SLC25A12: variants seen among roughly 807,000 people sequenced by gnomAD.
SLC25A12 encodes the protein electrogenic aspartate/glutamate antiporter SLC25A12, mitochondrial.
Under a neutral mutation model 83.3 loss-of-function variants are expected in SLC25A12, and 32 were observed. The observed-to-expected ratio is 0.38, with a 90% CI of 0.29 to 0.52. The LOEUF is 0.52. SLC25A12 is among the 20% of genes least tolerant of loss of function. The probability of loss-of-function intolerance (pLI) is 0.84; values close to 1 mark genes in which losing one functional copy is unlikely to be tolerated. For synonymous variants in SLC25A12, 267 were observed against 291.1 expected (o/e 0.92, Z 0.84); for missense variants, 611 against 835.6 (o/e 0.73, Z 3.31).
intron 13 of SLC25A12, among the ~76,000 whole-genome samples, chr2:171,795,710 C>T (rs1683582050): frequency 6.6e-6 from 1 of 152,178 alleles, no homozygotes; most frequent in Non-Finnish European, 1.5e-5. Flanking sequence ...TAAGGTCTTT[C>T]ATGTTTGTAA....
chr2:171,853,809 T>C (rs1206238499), intron 4 of SLC25A12, among the ~76,000 whole-genome samples: 2 of 152,248 alleles, frequency 1.3e-5, no homozygotes, highest in Admixed American at 6.5e-5. Flanking sequence ...ATGTGTCTTA[T>C]TGTTAAGTTG....
In SLC25A12 at chr2:171,834,828, G is replaced by C. The variant is rs2105886696; in HGVS notation, c.650C>G (p.Ser217Cys). ...TAACGAGTTAAATGCATTGAAGTAG[G>C]AGAAGCTAACCTGGTGTGAGATACT... ...GGSISHQVSF[S>C]YFNAFNSLLN... Residue 217 changes from serine to cysteine, a missense_variant, in exon 7 of 18, where the codon TCC (serine) becomes TGC (cysteine). Around this residue, in one of 3 missense-constraint regions of SLC25A12, gnomAD observed 540 missense variants for 777.5 expected, o/e 0.69. Coordinates refer to ENST00000422440, the MANE Select transcript of SLC25A12 (RefSeq NM_003705.5). 4 of 1,613,902 alleles carry C rather than the reference G, an allele frequency of 2.5e-6. No homozygotes were observed. Among genetic ancestry groups the C allele is most frequent in the Non-Finnish European group, 3.4e-6 (4 of 1,179,916 alleles).
intron 2 of SLC25A12, among the ~76,000 whole-genome samples, chr2:171,869,823 G>A (rs1028743691): frequency 2.0e-5 from 3 of 151,390 alleles, no homozygotes; most frequent in Non-Finnish European, 3.0e-5. Context: ...AAATTAAAGC[G>A]AACATCTACA....
At chr2:171,842,917 G>C (rs1049146501) in intron 5 of SLC25A12, among the ~76,000 whole-genome samples, 2 of 152,142 alleles carry the variant, frequency 1.3e-5, no homozygotes, top group African/African-American at 4.8e-5. Flanking sequence ...CACCTCCTGG[G>C]TTCAAGTGAT....
chr2:171,832,687 A>G (rs1213010910), intron 8 of SLC25A12, among the ~76,000 whole-genome samples: 1 of 152,170 alleles, frequency 6.6e-6, no homozygotes, highest in African/African-American at 2.4e-5. Context: ...CAGGCTTCCA[A>G]CTTCCCTATC....
intron 6 of SLC25A12, among the ~76,000 whole-genome samples, chr2:171,836,449 ATTACT>A (rs1438993226): frequency 6.6e-6 from 1 of 152,216 alleles, no homozygotes; most frequent in African/African-American, 2.4e-5. Flanking sequence ...GGTCCAGATG[ATTACT>A]TTATAGAGAT....
At chr2:171,867,510 G>C (rs1050828328) in intron 3 of SLC25A12, among the ~76,000 whole-genome samples, 1 of 150,670 alleles carries the variant, frequency 6.6e-6, no homozygotes, top group African/African-American at 2.4e-5. Context: ...GCGTGCGCCT[G>C]CAATCGCAGG....
chr2:171,814,991 A>T lies in SLC25A12; in HGVS notation c.1012+130T>A. ...CTCCTGATCATAGGTAAAAATAAAGAACACTTCAGAAAGCCCTGAAGTCGT... is the reference window on the plus strand; with the variant it reads ...CTCCTGATCATAGGTAAAAATAAAGTACACTTCAGAAAGCCCTGAAGTCGT... On this transcript the variant is annotated intron_variant, in intron 10 of 17. Coordinates refer to ENST00000422440, the MANE Select transcript of SLC25A12 (RefSeq NM_003705.5). 4.0e-6 allele frequency: 3 copies of T among 743,438 alleles called. No individual in the cohort carries two copies. In the South Asian group the frequency reaches 4.3e-5, roughly 11 times the overall value. The allele number at this position is 743,438 out of a possible 1,614,324, so 46.1% of individuals were successfully genotyped here.
intron 2 of SLC25A12, among the ~76,000 whole-genome samples, chr2:171,876,801 A>T (rs944542319): frequency 6.6e-6 from 1 of 152,196 alleles, no homozygotes; most frequent in African/African-American, 2.4e-5. Context: ...TTACCCAAGT[A>T]TGTCTATACT....
At chr2:171,893,833 C>T (rs1685994133) in intron 1 of SLC25A12, among the ~76,000 whole-genome samples, 1 of 152,198 alleles carries the variant, frequency 6.6e-6, no homozygotes, top group African/African-American at 2.4e-5. Context: ...CTCCCTCCCC[C>T]ACCGCAATTC....
In SLC25A12 at chr2:171,809,506, C is replaced by G. The variant is rs180974856; in HGVS notation, c.1305+100G>C. 44 of 919,452 alleles carry G rather than the reference C, an allele frequency of 4.8e-5. No homozygotes were observed. In the Admixed American group the frequency reaches 6.0e-4, roughly 13 times the overall value. 57.0% of individuals were successfully genotyped at this position (919,452 alleles called of 1,614,324 possible). On this transcript the variant is annotated intron_variant, in intron 13 of 17. Coordinates refer to ENST00000422440, the MANE Select transcript of SLC25A12 (RefSeq NM_003705.5). The stretch of plus-strand genomic sequence containing the variant: ...TATTGAGAAAACCTGCTTAGAATCC[C>G]TTGAGTTCAAGAGAAATGCCACTAA...
At chr2:171,868,013 T>A (rs1685373623) in intron 3 of SLC25A12, among the ~76,000 whole-genome samples, 1 of 151,866 alleles carries the variant, frequency 6.6e-6, no homozygotes, top group East Asian at 1.9e-4. Context: ...TCTGGCTAAT[T>A]TTTGTATTTT....
At chr2:171,848,460 T>C (rs1684845561) in intron 4 of SLC25A12, among the ~76,000 whole-genome samples, 1 of 152,172 alleles carries the variant, frequency 6.6e-6, no homozygotes, top group South Asian at 2.1e-4. Context: ...GCACAGTTCT[T>C]AAAGTGAAGT....
At chr2:171,785,908 G>C (rs1224533227) in intron 17 of SLC25A12, among the ~76,000 whole-genome samples, 2 of 151,976 alleles carry the variant, frequency 1.3e-5, no homozygotes, top group East Asian at 3.9e-4. Context: ...GCACTGGGAG[G>C]TGTGAGCCAC....
At chr2:171,833,818 G>T in intron 8 of SLC25A12, 145 bp downstream of exon 8, 3 of 529,338 alleles carry the variant, frequency 5.7e-6, no homozygotes, top group Non-Finnish European at 3.5e-6. Flanking sequence ...ACATCTGCTT[G>T]TCTTTCTTGG....
intron 9 of SLC25A12, among the ~76,000 whole-genome samples, chr2:171,819,512 A>T (rs1684140716): frequency 7.0e-6 from 1 of 142,664 alleles, no homozygotes; most frequent in African/African-American, 2.6e-5. Context: ...TAAACAATAC[A>T]TATTTTTCTC....
rs970896219 is a variant in SLC25A12, at chr2:171,815,998, T to C, written c.931-796A>G. Among the ~76,000 whole-genome samples the C allele has an allele frequency of 4.6e-5, 7 of 151,412 alleles. No homozygotes were observed. The East Asian group carries it at 7.7e-4, about 17-fold the overall frequency. ...AAAGTATATACAAAAATAGAAATTA[T>C]AGAATGAGATAAATATTTCTAAGTA... On this transcript the variant is annotated intron_variant, in intron 9 of 17. Coordinates refer to ENST00000422440, the MANE Select transcript of SLC25A12 (RefSeq NM_003705.5).
At chr2:171,796,133 A>G (rs898688533) in intron 13 of SLC25A12, among the ~76,000 whole-genome samples, 6 of 152,060 alleles carry the variant, frequency 3.9e-5, no homozygotes, top group Admixed American at 2.6e-4. Context: ...TTTTGTAGAG[A>G]TGGGGGTCTT....
At chr2:171,861,075 G>A (rs1323529506) in intron 3 of SLC25A12, among the ~76,000 whole-genome samples, 8 of 151,776 alleles carry the variant, frequency 5.3e-5, no homozygotes, top group Admixed American at 5.3e-4. Context: ...CTGGGCAACA[G>A]AGTGGGACCC....
Sources: gnomAD v4.1 joint callset for allele counts (sites outside exome capture counted in the v4.1 genomes callset) on GRCh38, gnomAD v4.1.1 for gene constraint, gnomAD v4.1.1 regional missense constraint, MANE v1.5 for transcripts, NCBI Gene and HGNC (gene_info 2026-07-23, HGNC 2026-07-21) for gene names.